Variants in CLYBL observed in about 807,000 individuals in gnomAD.
CLYBL encodes the protein citramalyl-CoA lyase, mitochondrial.
Under a neutral mutation model 38.9 loss-of-function variants are expected in CLYBL, and 31 were observed. That is an observed-to-expected ratio of 0.80 (90% confidence interval 0.60 to 1.08). CLYBL has a LOEUF of 1.08. CLYBL is among the 50% of genes least tolerant of loss of function. The pLI is 0.00. For synonymous variants in CLYBL, 171 were observed against 158.6 expected (o/e 1.08, Z -0.59); for missense variants, 434 against 411.6 (o/e 1.05, Z -0.47).
chr13:99,776,176 CCA>C (rs1413582028), intron 2 of CLYBL, among the ~76,000 whole-genome samples: 2 of 9,228 alleles, frequency 2.2e-4, no homozygotes, highest in Admixed American at 1.0e-3. Flanking sequence ...AAAAAAAAAA[CCA>C]AAAAACAAAT....
At chr13:99,736,770 GC>G (rs2048675302) in intron 1 of CLYBL, among the ~76,000 whole-genome samples, 1 of 152,044 alleles carries the variant, frequency 6.6e-6, no homozygotes, top group Non-Finnish European at 1.5e-5. Flanking sequence ...TGCTGAATGA[GC>G]CCCTCCCCAC....
chr13:99,836,068 A>G (rs1208883589), intron 2 of CLYBL, among the ~76,000 whole-genome samples: 2 of 152,180 alleles, frequency 1.3e-5, no homozygotes, highest in Non-Finnish European at 2.9e-5. Context: ...AAGTGAGGCC[A>G]AAGTATGACC....
At chr13:99,734,874 T>C (rs931313035) in intron 1 of CLYBL, among the ~76,000 whole-genome samples, 3 of 152,174 alleles carry the variant, frequency 2.0e-5, no homozygotes, top group African/African-American at 7.2e-5. Context: ...TATATTACTA[T>C]AGAAGTCTAC....
At chr13:99,834,509 T>G (rs2050890722) in intron 2 of CLYBL, among the ~76,000 whole-genome samples, 1 of 152,176 alleles carries the variant, frequency 6.6e-6, no homozygotes, top group Non-Finnish European at 1.5e-5. Context: ...AGGAGGGAGC[T>G]CCACTGGTGC....
chr13:99,719,302 G>A (rs1450493305), intron 1 of CLYBL, among the ~76,000 whole-genome samples: 2 of 151,380 alleles, frequency 1.3e-5, no homozygotes, highest in Non-Finnish European at 2.9e-5. Flanking sequence ...GCACCACCAA[G>A]CCTGGCTGAA....
intron 1 of CLYBL, among the ~76,000 whole-genome samples, chr13:99,701,984 C>G (rs1180405366): frequency 6.6e-6 from 1 of 152,208 alleles, no homozygotes; most frequent in African/African-American, 2.4e-5. Context: ...GATACCCCCT[C>G]TCCCCTGTAA....
intron 2 of CLYBL, among the ~76,000 whole-genome samples, chr13:99,844,006 C>A (rs1450659619): frequency 1.3e-5 from 2 of 152,208 alleles, no homozygotes; most frequent in Non-Finnish European, 2.9e-5. Flanking sequence ...TAAACAGATA[C>A]CCTGCCTGTG....
chr13:99,794,962 A>G (rs1029163597), intron 2 of CLYBL, among the ~76,000 whole-genome samples: 1 of 152,170 alleles, frequency 6.6e-6, no homozygotes, highest in Non-Finnish European at 1.5e-5. Flanking sequence ...TGATTTAGAG[A>G]CAGAGTTCAG....
intron 1 of CLYBL, among the ~76,000 whole-genome samples, chr13:99,617,296 T>A (rs2046726194): frequency 6.6e-6 from 1 of 152,180 alleles, no homozygotes; most frequent in Non-Finnish European, 1.5e-5. Context: ...GCACTTTTTT[T>A]TTTCCTAATA....
At chr13:99,783,100 T>C (rs1301523945) in intron 2 of CLYBL, among the ~76,000 whole-genome samples, 4 of 152,090 alleles carry the variant, frequency 2.6e-5, no homozygotes, top group Non-Finnish European at 5.9e-5. Context: ...TGGAGTGCAG[T>C]GGCATGATCT....
chr13:99,858,894 G>A lies in CLYBL; in HGVS notation c.283G>A (p.Glu95Lys), dbSNP rs780567722. The A allele has an allele frequency of 6.2e-7, 1 of 1,610,514 alleles. No individual in the cohort carries two copies. The highest frequency in any genetic ancestry group is 8.5e-7 in the Non-Finnish European group (1 of 1,179,108). ...TCGACTGAGAATTGTAAAAACTCTT[G>A]AAGACATTGATCTGGGCCCTACTGA... The part of the protein sequence containing the change: ...EARLRIVKTL[E>K]DIDLGPTEKC... The change falls in exon 3 of 9, where the codon GAA becomes AAA. Residue 95 changes from glutamate (E) to lysine (K), a missense_variant. Coordinates refer to ENST00000339105, the MANE Select transcript of CLYBL (RefSeq NM_206808.5).
chr13:99,746,358 T>G (rs1190404087), intron 1 of CLYBL, among the ~76,000 whole-genome samples: 1 of 24,516 alleles, frequency 4.1e-5, no homozygotes, highest in Non-Finnish European at 2.4e-4. Flanking sequence ...AAATACTATT[T>G]TTTTTTTTTT....
chr13:99,847,239 G>A (rs1246207285), intron 2 of CLYBL, among the ~76,000 whole-genome samples: 2 of 152,142 alleles, frequency 1.3e-5, no homozygotes, highest in African/African-American at 2.4e-5. Context: ...AAAGGCTGGC[G>A]GACCCTGCCC....
chr13:99,717,399 C>T (rs2048333074), intron 1 of CLYBL, among the ~76,000 whole-genome samples: 1 of 145,584 alleles, frequency 6.9e-6, no homozygotes, highest in Admixed American at 6.9e-5. Flanking sequence ...GCACTCCAGC[C>T]TGGGCGACAG....
chr13:99,629,322 A>G (rs1053549220), intron 1 of CLYBL, among the ~76,000 whole-genome samples: 5 of 152,232 alleles, frequency 3.3e-5, no homozygotes, highest in Non-Finnish European at 7.3e-5. Context: ...CCCATTCTGT[A>G]GACATTGCCT....
intron 1 of CLYBL, among the ~76,000 whole-genome samples, chr13:99,618,663 T>C (rs1261257712): frequency 6.6e-6 from 1 of 152,196 alleles, no homozygotes; most frequent in Non-Finnish European, 1.5e-5. Flanking sequence ...AGAACTTTTT[T>C]ATCTTCCCAC....
Position 99,817,671 on chromosome 13 carries a change from A to G in CLYBL, c.250-41190A>G, listed in dbSNP as rs1219762643. The stretch of plus-strand genomic sequence containing the variant: ...CTCTGTCTCAAAAAAAAAAAAAAAA[A>G]AAGAAAAGAAAAAAGAAAAGCACTG... On this transcript the variant is annotated intron_variant, in intron 2 of 8. Transcript: ENST00000339105. Among the ~76,000 whole-genome samples, 119 of 139,636 alleles carry G rather than the reference A, an allele frequency of 8.5e-4. 1 individual carries two copies. The highest frequency in any genetic ancestry group is 2.6e-3 in the African/African-American group (103 of 39,306). The allele number at this position is 139,636 out of a possible 152,430, so 91.6% of individuals were successfully genotyped here. A position where few individuals can be genotyped will look rare whatever the true frequency, so the allele number is the denominator to read the frequency against.
At chr13:99,662,898 T>C (rs945094590) in intron 1 of CLYBL, among the ~76,000 whole-genome samples, 3 of 152,226 alleles carry the variant, frequency 2.0e-5, no homozygotes, top group Non-Finnish European at 4.4e-5. Flanking sequence ...AACCGGCCAC[T>C]GTTCAAGGAC....
At chr13:99,888,615 T>C (rs1263975907) in intron 7 of CLYBL, among the ~76,000 whole-genome samples, 1 of 152,010 alleles carries the variant, frequency 6.6e-6, no homozygotes, top group Non-Finnish European at 1.5e-5. Flanking sequence ...TAGCCAAACG[T>C]GGTGGCACGC....
Sources: gnomAD v4.1 joint callset for allele counts (sites outside exome capture counted in the v4.1 genomes callset) on GRCh38, gnomAD v4.1.1 for gene constraint, MANE v1.5 for transcripts, NCBI Gene and HGNC (gene_info 2026-07-23, HGNC 2026-07-21) for gene names.